The following AP4E1 variants were observed in gnomAD, a reference collection of about 807,000 sequenced individuals.
AP4E1 encodes the protein AP-4 complex subunit epsilon-1.
AP4E1 carries 56 observed loss-of-function variants against 128.2 expected under a neutral mutation model. The observed-to-expected ratio is 0.44, with a 90% CI of 0.35 to 0.55. AP4E1 has a LOEUF of 0.55. AP4E1 is among the 20% of genes least tolerant of loss of function. The pLI, the probability that AP4E1 is intolerant of heterozygous loss-of-function variation, is 0.00. For synonymous variants in AP4E1, 484 were observed against 473.1 expected (o/e 1.02, Z -0.30); for missense variants, 1,324 against 1,307.7 (o/e 1.01, Z -0.19).
intron 10 of AP4E1, among the ~76,000 whole-genome samples, chr15:50,944,309 T>C (rs2064028031): frequency 6.6e-6 from 1 of 152,148 alleles, no homozygotes; most frequent in Non-Finnish European, 1.5e-5. Context: ...CTCTGTCATA[T>C]ACAGGAGGAG....
chr15:50,949,044 G>A (rs1454995483), intron 11 of AP4E1, among the ~76,000 whole-genome samples: 1 of 151,986 alleles, frequency 6.6e-6, no homozygotes, highest in Non-Finnish European at 1.5e-5. Flanking sequence ...AATTATATTG[G>A]AAATTGCTTA....
At chr15:50,973,841 C>T (rs1411672329) in intron 15 of AP4E1, among the ~76,000 whole-genome samples, 5 of 152,104 alleles carry the variant, frequency 3.3e-5, no homozygotes, top group Non-Finnish European at 5.9e-5. Flanking sequence ...GTTGTTTTCA[C>T]GTCTTGGTTA....
intron 8 of AP4E1, among the ~76,000 whole-genome samples, chr15:50,939,938 C>G (rs941614489): frequency 6.6e-6 from 1 of 152,090 alleles, no homozygotes. Context: ...AGGTTTCTGT[C>G]GCATATTCTC....
rs1451364629 is a variant in AP4E1 at position 50,912,141 on chromosome 15, A to G, written c.214A>G (p.Thr72Ala). ...GAAAGCGACTGTTTCTGCTCCTACTACAACACTGGTAGGTTTGCATAGTCA... is the reference window on the plus strand; with the variant it reads ...GAAAGCGACTGTTTCTGCTCCTACTGCAACACTGGTAGGTTTGCATAGTCA... ...SLKATVSAPT[T>A]TLKMMKECMV... Residue 72 changes from threonine (T) to alanine (A), a missense_variant, in exon 2 of 21, where the codon ACA (threonine) becomes GCA (alanine). By Grantham distance (58) the Thr-to-Ala change is moderately conservative (BLOSUM62 0). Coordinates refer to ENST00000261842, the MANE Select transcript of AP4E1 (RefSeq NM_007347.5). The G allele has an allele frequency of 1.9e-6, 3 of 1,613,928 alleles. No individual in the cohort carries two copies.
chr15:50,995,907 A>G (rs540578313), intron 17 of AP4E1, among the ~76,000 whole-genome samples: 17 of 151,104 alleles, frequency 1.1e-4, no homozygotes, highest in African/African-American at 4.1e-4. Flanking sequence ...AGACCAGAAA[A>G]GACCAAAAAA....
intron 5 of AP4E1, 96 bp from the exon 6 acceptor site, chr15:50,928,913 T>C (rs1042054993): frequency 1.1e-5 from 12 of 1,132,728 alleles, no homozygotes; most frequent in Non-Finnish European, 1.6e-5. Context: ...ATTAAGGTAA[T>C]GAGCCAGTAT....
intron 15 of AP4E1, among the ~76,000 whole-genome samples, chr15:50,975,297 T>G (rs1284191206): frequency 1.3e-5 from 2 of 152,022 alleles, no homozygotes; most frequent in African/African-American, 4.8e-5. Flanking sequence ...GCCAGCTACT[T>G]GAGAGGCTGA....
rs1300892051 is a variant in AP4E1 at position 50,997,623 on chromosome 15, A to G, written c.2644A>G (p.Asn882Asp). Residue 882 changes from asparagine (N) to aspartate (D), a missense_variant, in exon 18 of 21, where the codon AAC (asparagine) becomes GAC (aspartate). Coordinates refer to ENST00000261842, the MANE Select transcript of AP4E1 (RefSeq NM_007347.5). ...TACACCTTCATTGTTTGCTAATAAC[A>G]ACATGGAAATTTTTCACCCTCCTCA... ...LSTPSLFANN[N>D]MEIFHPPQST... The G allele has an allele frequency of 1.4e-5, 22 of 1,614,112 alleles. No homozygotes were observed. The highest frequency in any genetic ancestry group is 1.9e-5 in the Non-Finnish European group (22 of 1,179,994).
intron 14 of AP4E1, among the ~76,000 whole-genome samples, chr15:50,962,804 G>A (rs2064333483): frequency 7.1e-6 from 1 of 141,590 alleles, no homozygotes; most frequent in South Asian, 2.3e-4. Flanking sequence ...AATCAATAGA[G>A]TGAAGAAACA....
chr15:50,908,321 C>A (rs1329393937), upstream of AP4E1, among the ~76,000 whole-genome samples: 1 of 152,122 alleles, frequency 6.6e-6, no homozygotes, highest in Non-Finnish European at 1.5e-5. Flanking sequence ...GCGCGCGCTC[C>A]GGGGACAGTG....
chr15:50,976,856 A>G (rs1292601659), intron 15 of AP4E1, among the ~76,000 whole-genome samples: 2 of 152,202 alleles, frequency 1.3e-5, no homozygotes, highest in Non-Finnish European at 2.9e-5. Flanking sequence ...CTGAACGTTA[A>G]TGAAAGAAAT....
rs1485751922 is a variant in AP4E1 at position 51,003,912 on chromosome 15, A to C, written c.*1250A>C. 2 of 152,576 alleles carry C rather than the reference A, an allele frequency of 1.3e-5. No individual in the cohort carries two copies. The highest frequency in any genetic ancestry group is 6.5e-5 in the Admixed American group (1 of 15,278). The allele number at this position is 152,576 out of a possible 1,614,324, so 9.5% of individuals were successfully genotyped here. A position where few individuals can be genotyped will look rare whatever the true frequency, so the allele number is the denominator to read the frequency against. ...ATTCTGATTTTAGGTTATCTCATTA[A>C]TCATGGCTGATAAAGAAGCTAAGGG... On this transcript the variant is annotated 3_prime_UTR_variant, in exon 21 of 21. Transcript: ENST00000261842.
rs775507712 is a variant in AP4E1, at chr15:50,912,197, C to T, written c.222+48C>T. ...AACACATTTGAATTTGAAATCTAGT[C>T]ACTGTGGACTCAATAGTGGCATCTA... On this transcript the variant is annotated intron_variant, in intron 2 of 20. Coordinates refer to ENST00000261842, the MANE Select transcript of AP4E1 (RefSeq NM_007347.5). 1.7e-5 allele frequency: 26 copies of T among 1,515,084 alleles called. No homozygotes were observed. In the South Asian group the frequency reaches 2.8e-4, roughly 16 times the overall value. The allele number at this position is 1,515,084 out of a possible 1,614,324, so 93.9% of individuals were successfully genotyped here.
chr15:50,924,975 A>G (rs1168435626), intron 4 of AP4E1, 123 bp from the exon 5 acceptor site: 58 of 1,129,926 alleles, frequency 5.1e-5, no homozygotes, highest in Non-Finnish European at 6.6e-5. Flanking sequence ...ATAAGTTTGG[A>G]TGTACAAATT....
intron 15 of AP4E1, among the ~76,000 whole-genome samples, chr15:50,971,083 G>T (rs1409318589): frequency 1.3e-5 from 2 of 152,040 alleles, no homozygotes; most frequent in African/African-American, 4.8e-5. Context: ...GGTAGTTATT[G>T]TCTTTTCACT....
At chr15:50,983,113 C>T (rs1333250043) in intron 15 of AP4E1, among the ~76,000 whole-genome samples, 1 of 152,110 alleles carries the variant, frequency 6.6e-6, no homozygotes, top group Admixed American at 6.6e-5. Flanking sequence ...ATTGCTTTCT[C>T]CTATTAAAGG....
intron 15 of AP4E1, among the ~76,000 whole-genome samples, chr15:50,977,829 C>A (rs1418492107): frequency 6.7e-6 from 1 of 149,972 alleles, no homozygotes; most frequent in Non-Finnish European, 1.5e-5. Flanking sequence ...TGTGCCTCAA[C>A]TTCCTAAGTA....
chr15:50,923,903 A>T, intron 3 of AP4E1, 28 bp from the exon 4 acceptor site: 2 of 1,559,408 alleles, frequency 1.3e-6, no homozygotes, highest in Non-Finnish European at 1.8e-6. Context: ...GGTAGTTAGT[A>T]ATCAGACTTT....
At chr15:50,999,460 T>C (rs899499645) in intron 19 of AP4E1, among the ~76,000 whole-genome samples, 198 bp downstream of exon 19, 4 of 152,144 alleles carry the variant, frequency 2.6e-5, no homozygotes, top group Non-Finnish European at 5.9e-5. Context: ...AATTATGAAT[T>C]GTGCTATGAA....
Sources: allele counts gnomAD v4.1 joint callset (sites outside exome capture counted in the v4.1 genomes callset), GRCh38; gene constraint gnomAD v4.1.1; transcripts MANE v1.5; gene names NCBI Gene and HGNC (gene_info 2026-07-23, HGNC 2026-07-21).